CCDC191: variants seen among roughly 807,000 people sequenced by gnomAD.
CCDC191 encodes coiled-coil domain-containing protein 191.
In CCDC191, 99 loss-of-function variants were observed where a neutral mutation model predicts 114.0. That is an observed-to-expected ratio of 0.87 (90% CI 0.74 to 1.03). The LOEUF (loss-of-function observed/expected upper bound fraction) is 1.03, where lower values mean the gene tolerates loss of function less well. Ranked by LOEUF, CCDC191 falls within the 50% of genes least tolerant of loss-of-function variation. CCDC191 has a pLI of 0.00. For synonymous variants in CCDC191, 351 were observed against 376.0 expected, an observed-to-expected ratio of 0.93 and a Z score of 0.77; for missense variants, 973 against 1,087.0, an observed-to-expected ratio of 0.90 and a Z score of 1.47.
intron 6 of CCDC191, 39 bp from the exon 7 acceptor site, chr3:114,031,818 T>C (rs760643046): frequency 5.4e-6 from 5 of 931,246 alleles, no homozygotes; most frequent in African/African-American, 5.0e-5. Flanking sequence ...ATATTTACAA[T>C]AGATTTAAAA....
intron 13 of CCDC191, among the ~76,000 whole-genome samples, chr3:113,982,356 G>A (rs537235129): frequency 2.0e-5 from 3 of 152,154 alleles, no homozygotes; most frequent in Non-Finnish European, 4.4e-5. Flanking sequence ...AGGGTTCCTC[G>A]ATAGAACTGG....
At position 114,003,689 on chromosome 3, in the gene CCDC191, G is replaced by A. The variant is rs1021438731; in HGVS notation, c.1978+948C>T. 5 of 985,306 alleles carry A rather than the reference G, an allele frequency of 5.1e-6. No homozygotes were observed. In the African/African-American group the frequency reaches 5.2e-5, roughly 10 times the overall value. 61.0% of individuals were successfully genotyped at this position (985,306 alleles called of 1,614,324 possible). A position where few individuals can be genotyped will look rare whatever the true frequency, so the allele number is the denominator to read the frequency against. On this transcript the variant is annotated intron_variant, in intron 11 of 16. Transcript: ENST00000295878. ...CCAAGCTTAATGATAGGCAAAGACA[G>A]CATAAATTGCTGTCCTGGCAGATAG...
chr3:114,018,956 C>A, intron 7 of CCDC191, 88 bp from the exon 8 acceptor site: 1 of 1,218,388 alleles, frequency 8.2e-7, no homozygotes. Flanking sequence ...CAGATTTTCC[C>A]CTCACACTTT....
At chr3:114,024,656 C>T (rs1306019374) in intron 7 of CCDC191, among the ~76,000 whole-genome samples, 3 of 151,560 alleles carry the variant, frequency 2.0e-5, no homozygotes, top group Admixed American at 1.3e-4. Flanking sequence ...ACAATGAGAA[C>T]ACAGGGACAC....
intron 7 of CCDC191, among the ~76,000 whole-genome samples, chr3:114,030,182 C>T (rs1294761863): frequency 6.6e-6 from 1 of 152,132 alleles, no homozygotes; most frequent in African/African-American, 2.4e-5. Context: ...TATTTTAAAA[C>T]TAAGTAATCT....
chr3:113,974,488 T>C (rs962448402), intron 16 of CCDC191, among the ~76,000 whole-genome samples: 3 of 151,952 alleles, frequency 2.0e-5, no homozygotes, highest in African/African-American at 7.3e-5. Flanking sequence ...CCTGGCTAAT[T>C]TTTGTATTTT....
At chr3:114,033,961 G>C (rs945735059) in intron 6 of CCDC191, among the ~76,000 whole-genome samples, 3 of 152,218 alleles carry the variant, frequency 2.0e-5, no homozygotes, top group East Asian at 3.8e-4. Context: ...CTCTCAGTTC[G>C]AGTAGTCAGA....
At chr3:114,003,291 A>C in intron 11 of CCDC191, 6 of 985,450 alleles carry the variant, frequency 6.1e-6, no homozygotes, top group Non-Finnish European at 7.2e-6. Context: ...CACCTAAGCC[A>C]GCCAATAGTT....
intron 6 of CCDC191, among the ~76,000 whole-genome samples, chr3:114,034,183 T>C (rs1026954193): frequency 2.6e-5 from 4 of 152,244 alleles, no homozygotes; most frequent in Admixed American, 6.5e-5. Context: ...ACTTTCCATA[T>C]GTTTATCAGA....
chr3:113,999,843 G>A (rs1426312963), intron 13 of CCDC191, among the ~76,000 whole-genome samples: 1 of 152,016 alleles, frequency 6.6e-6, no homozygotes, highest in Non-Finnish European at 1.5e-5. Context: ...TATCATTTAT[G>A]CTATTTAAGT....
chr3:114,035,457 T>A (rs1457837432), intron 5 of CCDC191, among the ~76,000 whole-genome samples: 1 of 152,226 alleles, frequency 6.6e-6, no homozygotes, highest in Non-Finnish European at 1.5e-5. Context: ...TTCTCACTTG[T>A]AAGATTGTCC....
intron 2 of CCDC191, among the ~76,000 whole-genome samples, chr3:114,047,594 G>A (rs1332875365): frequency 6.6e-6 from 1 of 151,976 alleles, no homozygotes; most frequent in Non-Finnish European, 1.5e-5. Flanking sequence ...AGCCCAGAGG[G>A]TTGGGACCAC....
intron 16 of CCDC191, among the ~76,000 whole-genome samples, chr3:113,969,189 T>C (rs1260907702): frequency 6.6e-6 from 1 of 152,186 alleles, no homozygotes; most frequent in Non-Finnish European, 1.5e-5. Context: ...ATACCTCCCA[T>C]TAGACTCCAC....
intron 16 of CCDC191, among the ~76,000 whole-genome samples, chr3:113,975,287 A>G (rs987771454): frequency 3.3e-5 from 5 of 152,206 alleles, no homozygotes; most frequent in African/African-American, 1.2e-4. Context: ...ATCTTTCTCG[A>G]TGTTATTGCA....
chr3:114,006,619 A>ATATAAAT (rs1559903359), intron 9 of CCDC191, among the ~76,000 whole-genome samples: 66 of 92,506 alleles, frequency 7.1e-4, no homozygotes, highest in African/African-American at 2.7e-3. Flanking sequence ...TATATATATA[A>ATATAAAT]ATATATATAT....
At chr3:113,968,712 A>G (rs535811859) in intron 16 of CCDC191, among the ~76,000 whole-genome samples, 1 of 151,064 alleles carries the variant, frequency 6.6e-6, no homozygotes, top group African/African-American at 2.4e-5. Context: ...CACCCACCTT[A>G]GCCTCCCAAA....
At chr3:114,009,543 A>G (rs1390677661) in intron 9 of CCDC191, among the ~76,000 whole-genome samples, 2 of 152,148 alleles carry the variant, frequency 1.3e-5, no homozygotes, top group African/African-American at 4.8e-5. Context: ...AGAAGTCACT[A>G]AGCAAGAGGA....
chr3:114,036,580 C>G, intron 5 of CCDC191, 28 bp downstream of exon 5: 1 of 1,517,660 alleles, frequency 6.6e-7, no homozygotes, highest in Non-Finnish European at 8.9e-7. Context: ...TTCCTGTTAT[C>G]CATTTTAATT....
At chr3:113,984,818 C>T (rs1177091938) in intron 13 of CCDC191, among the ~76,000 whole-genome samples, 1 of 152,168 alleles carries the variant, frequency 6.6e-6, no homozygotes, top group Non-Finnish European at 1.5e-5. Context: ...ATCTCTTGGT[C>T]AGTAATGTAT....
Sources: gnomAD v4.1 joint callset for allele counts (sites outside exome capture counted in the v4.1 genomes callset) on GRCh38, gnomAD v4.1.1 for gene constraint, MANE v1.5 for transcripts, NCBI Gene and HGNC (gene_info 2026-07-23, HGNC 2026-07-21) for gene names.